The following PDE10A variants were observed in gnomAD, a reference collection of about 807,000 sequenced individuals.
PDE10A encodes cAMP and cAMP-inhibited cGMP 3',5'-cyclic phosphodiesterase 10A.
A neutral mutation model predicts 97.7 loss-of-function variants in PDE10A; 39 were observed. That is an observed-to-expected ratio of 0.40 (90% CI 0.31 to 0.52). The LOEUF (loss-of-function observed/expected upper bound fraction) is 0.52. Ranked by LOEUF, PDE10A falls within the 20% of genes least tolerant of loss-of-function variation. The pLI is 0.56. For missense variants in PDE10A, 731 were observed against 1,047.8 expected, an observed-to-expected ratio of 0.70 and a Z score of 4.17; for synonymous variants, 371 against 376.8, an observed-to-expected ratio of 0.98 and a Z score of 0.18.
chr6:165,791,724 C>A (rs954442899), intron 1 of PDE10A, among the ~76,000 whole-genome samples: 1 of 152,188 alleles, frequency 6.6e-6, no homozygotes, highest in Non-Finnish European at 1.5e-5. Context: ...TGCTGCCTTA[C>A]CTAGAGTCTC....
chr6:165,506,608 C>A (rs1005707981), intron 2 of PDE10A, among the ~76,000 whole-genome samples: 1 of 152,110 alleles, frequency 6.6e-6, no homozygotes, highest in Non-Finnish European at 1.5e-5. Flanking sequence ...GAGAATATAT[C>A]TTTGATTGGA....
At chr6:165,435,135 T>G in intron 6 of PDE10A, 102 bp downstream of exon 6, 1 of 1,112,266 alleles carries the variant, frequency 9.0e-7, no homozygotes, top group Non-Finnish European at 1.3e-6. Context: ...TAATGCTTTT[T>G]AAAATGAAAC....
intron 2 of PDE10A, among the ~76,000 whole-genome samples, chr6:165,512,949 A>C (rs1167438984): frequency 6.6e-6 from 1 of 151,980 alleles, no homozygotes; most frequent in African/African-American, 2.4e-5. Context: ...GGCCATTTAT[A>C]TATTCTCTTT....
At chr6:165,550,498 A>C (rs1010174762) in intron 1 of PDE10A, among the ~76,000 whole-genome samples, 5 of 152,188 alleles carry the variant, frequency 3.3e-5, no homozygotes, top group Non-Finnish European at 5.9e-5. Flanking sequence ...TTATCAAAGA[A>C]CAGCTTGAAC....
At chr6:165,586,153 G>C (rs569730413) in intron 1 of PDE10A, among the ~76,000 whole-genome samples, 1 of 152,144 alleles carries the variant, frequency 6.6e-6, no homozygotes, top group Non-Finnish European at 1.5e-5. Flanking sequence ...AACAAAGGCC[G>C]AACAGAGCTC....
intron 1 of PDE10A, among the ~76,000 whole-genome samples, chr6:165,803,476 G>T (rs555164995): frequency 1.1e-3 from 170 of 152,316 alleles, no homozygotes; most frequent in Admixed American, 1.6e-3. Context: ...TGGTGGGAAA[G>T]AAAAAACTTA....
At chr6:165,940,077 G>A (rs1016849809) in intron 1 of PDE10A, 1 of 152,230 alleles carries the variant, frequency 6.6e-6, no homozygotes, top group African/African-American at 2.4e-5. Flanking sequence ...CCGTGACAAT[G>A]ACTAAGCCTT....
At chr6:165,649,036 T>G (rs1031223683) in intron 1 of PDE10A, among the ~76,000 whole-genome samples, 1 of 151,794 alleles carries the variant, frequency 6.6e-6, no homozygotes, top group Non-Finnish European at 1.5e-5. Flanking sequence ...GAGAAAGGGG[T>G]GCCCTGCAGA....
intron 20 of PDE10A, among the ~76,000 whole-genome samples, chr6:165,339,021 G>C (rs1781816419): frequency 6.6e-6 from 1 of 152,208 alleles, no homozygotes; most frequent in South Asian, 2.1e-4. Flanking sequence ...CTCTTTTAGA[G>C]TCTACTTTTC....
chr6:165,416,163 G>C, intron 12 of PDE10A, 26 bp downstream of exon 12: 1 of 1,400,114 alleles, frequency 7.1e-7, no homozygotes, highest in Non-Finnish European at 1.0e-6. Flanking sequence ...GAAATCAATG[G>C]AGTGTCGACA....
intron 1 of PDE10A, among the ~76,000 whole-genome samples, chr6:165,869,292 A>C (rs1397623932): frequency 6.6e-6 from 1 of 152,000 alleles, no homozygotes; most frequent in Non-Finnish European, 1.5e-5. Flanking sequence ...ATTTTAATAC[A>C]CCAATAACAA....
intron 2 of PDE10A, among the ~76,000 whole-genome samples, chr6:165,526,404 C>G (rs533986085): frequency 1.4e-4 from 21 of 152,234 alleles, no homozygotes; most frequent in African/African-American, 3.9e-4. Context: ...CTGGCAGAAC[C>G]CCCACATTGG....
intron 8 of PDE10A, among the ~76,000 whole-genome samples, chr6:165,430,652 G>C (rs1789487578): frequency 6.6e-6 from 1 of 152,112 alleles, no homozygotes; most frequent in Non-Finnish European, 1.5e-5. Flanking sequence ...ATAAGTGATA[G>C]AAGCAGCATT....
In PDE10A at chr6:165,435,661, G is replaced by A. The variant is rs536784029; in HGVS notation, c.1195-284C>T. ...CCTATTTTGATACACAGAAAATAAT[G>A]AAATGAGACAAAATGCATCCTGTCA... On this transcript the variant is annotated intron_variant, in intron 5 of 21. Coordinates refer to ENST00000539869, the MANE Select transcript of PDE10A (RefSeq NM_001385079.1). Among the ~76,000 whole-genome samples the A allele has an allele frequency of 2.6e-5, 4 of 152,186 alleles. No individual in the cohort carries two copies. The East Asian group carries it at 7.7e-4, about 29-fold the overall frequency.
intron 1 of PDE10A, among the ~76,000 whole-genome samples, chr6:165,577,453 T>C (rs1785369026): frequency 6.6e-6 from 1 of 152,138 alleles, no homozygotes; most frequent in Non-Finnish European, 1.5e-5. Context: ...CTTCTAGGGC[T>C]TCAGCACAGC....
At chr6:165,676,570 A>G (rs4709086) in intron 1 of PDE10A, among the ~76,000 whole-genome samples, 68,695 of 151,598 alleles carry the variant, frequency 0.45, 16,363 homozygotes, top group East Asian at 0.76. Flanking sequence ...AAGGGGTTCC[A>G]GGAGGAGGGG....
intron 3 of PDE10A, among the ~76,000 whole-genome samples, chr6:165,461,899 A>G (rs1778350008): frequency 6.6e-6 from 1 of 152,252 alleles, no homozygotes; most frequent in African/African-American, 2.4e-5. Context: ...AGGAGGAGTT[A>G]ATCCTCAAGG....
upstream of PDE10A, among the ~76,000 whole-genome samples, chr6:165,665,894 C>A (rs1037490143): frequency 6.6e-6 from 1 of 152,108 alleles, no homozygotes; most frequent in African/African-American, 2.4e-5. Flanking sequence ...TCCAAACATT[C>A]TTCTATATGT....
intron 14 of PDE10A, among the ~76,000 whole-genome samples, chr6:165,396,098 A>G (rs1786135390): frequency 6.6e-6 from 1 of 152,172 alleles, no homozygotes; most frequent in Non-Finnish European, 1.5e-5. Context: ...TTCAAAACTG[A>G]GTTCAGATTT....
Sources: allele counts gnomAD v4.1 joint callset (sites outside exome capture counted in the v4.1 genomes callset), GRCh38; gene constraint gnomAD v4.1.1; transcripts MANE v1.5; gene names NCBI Gene and HGNC (gene_info 2026-07-23, HGNC 2026-07-21).